The following TEX52 variants were observed in gnomAD, a reference collection of about 807,000 sequenced individuals.
TEX52 encodes the protein testis-expressed protein 52.
A neutral mutation model predicts 17.6 loss-of-function variants in TEX52; 22 were observed. That is an observed-to-expected ratio of 1.25 (90% CI 0.89 to 1.78). The LOEUF is 1.78. Ranked by LOEUF, TEX52 falls within the 40% of genes most tolerant of loss-of-function variation. The pLI, the probability that TEX52 is intolerant of heterozygous loss-of-function variation, is 0.00. For synonymous variants in TEX52, 168 were observed against 147.4 expected (o/e 1.14, Z -1.01); for missense variants, 396 against 372.3 (o/e 1.06, Z -0.52).
At chr12:2,848,883 A>G (rs1384775306), downstream of TEX52, among the ~76,000 whole-genome samples, 5 of 149,182 alleles carry the variant, frequency 3.4e-5, no homozygotes, top group South Asian at 2.1e-4. Flanking sequence ...ACACGCACAC[A>G]CACACACACA....
rs557855083 is a variant in TEX52, at chr12:2,850,852, A to C, written c.624-1327T>G. ...CTCCTGGCTAATTTTTTATATTTTTAGTAGAGATGGGGTTTCCCCATGTTG... is the reference window on the plus strand; with the variant it reads ...CTCCTGGCTAATTTTTTATATTTTTCGTAGAGATGGGGTTTCCCCATGTTG... On this transcript the variant is annotated intron_variant, in intron 2 of 2. Transcript: ENST00000637658. 7.3e-5 allele frequency among the ~76,000 whole-genome samples: 11 copies of C among 150,518 alleles called. 1 individual carries two copies. The highest frequency in any genetic ancestry group is 2.7e-4 in the African/African-American group (11 of 41,064).
At position 2,855,119 on chromosome 12, in the gene TEX52, G is replaced by T. The variant is rs987522872; in HGVS notation, c.400C>A (p.Pro134Thr). 13 of 1,534,190 alleles carry T rather than the reference G, an allele frequency of 8.5e-6. No individual in the cohort carries two copies. The East Asian group carries it at 2.9e-4, about 35-fold the overall frequency. The change falls in exon 2 of 3, where the codon CCC becomes ACC. Residue 134 changes from proline (P) to threonine (T), a missense_variant. Pro to Thr is a conservative substitution (Grantham distance 38, BLOSUM62 -1). Transcript: ENST00000637658. ...GGAGGGGGGATGGGGTGCTCCGTGGGGGGGCATCTGTGGGCATTGGAGTCG... is the reference window on the plus strand; with the variant it reads ...GGAGGGGGGATGGGGTGCTCCGTGGTGGGGCATCTGTGGGCATTGGAGTCG... Reference protein sequence around the residue: ...LTDSNAHRCPPTEHPIPPPSW... With the variant: ...LTDSNAHRCPTTEHPIPPPSW...
Position 2,855,054 on chromosome 12 carries a change from G to A in TEX52, c.465C>T (p.His155=). The A allele has an allele frequency of 6.5e-7, 1 of 1,536,128 alleles. No individual in the cohort carries two copies. The highest frequency in any genetic ancestry group is 1.4e-5 in the African/African-American group (1 of 73,144). Residue 155 remains histidine, a synonymous_variant, in exon 2 of 3, where the codon CAC becomes CAT. Transcript: ENST00000637658. ...MGQNSFLTFI[H]CYPTFVDMKR... ...TCATGTCCACAAACGTGGGATAACA[G>A]TGGATGAAGGTCAGGAAGCTGTTTT...
In TEX52 at chr12:2,855,231, G is replaced by A. The variant is rs2098083631; in HGVS notation, c.288C>T (p.His96=). 2.7e-6 allele frequency: 4 copies of A among 1,506,894 alleles called. No homozygotes were observed. The highest frequency in any genetic ancestry group is 4.9e-5 in the East Asian group (2 of 40,458). The allele number at this position is 1,506,894 out of a possible 1,614,324, so 93.3% of individuals were successfully genotyped here. ...GCAGACGGCACACATCGAGCCACGT[G>A]TGAAAGCCCCAGGTGTGCTGGGCGC... is the stretch of plus-strand genomic sequence containing the variant. The part of the protein sequence containing the change: ...KGGAQHTWGF[H]TWLDVCRLPA... The change falls in exon 2 of 3, where the codon CAC becomes CAT. Residue 96 remains histidine, a synonymous_variant. Coordinates refer to ENST00000637658, the MANE Select transcript of TEX52 (RefSeq NM_001365174.2).
chr12:2,853,763 T>C (rs1413917257), intron 2 of TEX52, among the ~76,000 whole-genome samples: 3 of 152,130 alleles, frequency 2.0e-5, no homozygotes, highest in Non-Finnish European at 2.9e-5. Context: ...TGGACACAGT[T>C]GGGAAGCATC....
chr12:2,852,510 G>A (rs1032529380), intron 2 of TEX52, among the ~76,000 whole-genome samples: 1 of 152,126 alleles, frequency 6.6e-6, no homozygotes. Context: ...GGGATTATGG[G>A]CATGTGCCAC....
downstream of TEX52, among the ~76,000 whole-genome samples, chr12:2,848,585 G>T (rs1417412418): frequency 6.6e-6 from 1 of 152,004 alleles, no homozygotes; most frequent in Admixed American, 6.6e-5. Flanking sequence ...CTGAGACCTG[G>T]TTAGCCTTCC....
chr12:2,849,430 C>T lies in TEX52; in HGVS notation c.719G>A (p.Cys240Tyr). 6.5e-7 allele frequency: 1 copy of T among 1,536,148 alleles called. No individual in the cohort carries two copies. The highest frequency in any genetic ancestry group is 1.4e-5 in the African/African-American group (1 of 73,166). ...FPNNFARSWPCPNPLPHYQEK... is the reference protein window; with the variant it reads ...FPNNFARSWPYPNPLPHYQEK... ...CTGGTAGTGAGGCAGAGGGTTTGGG[C>T]AGGGCCAGCTCCTGGCGAAATTATT... Residue 240 changes from cysteine (C) to tyrosine (Y), a missense_variant, in exon 3 of 3, where the codon TGC becomes TAC. By Grantham distance (194) the Cys-to-Tyr change is radical (BLOSUM62 -2). Coordinates refer to ENST00000637658, the MANE Select transcript of TEX52 (RefSeq NM_001365174.2).
At chr12:2,855,659 T>C (rs1565454071) in intron 1 of TEX52, among the ~76,000 whole-genome samples, 1 of 152,192 alleles carries the variant, frequency 6.6e-6, no homozygotes, top group African/African-American at 2.4e-5. Context: ...CACTCATCTT[T>C]TGATCTCTTG....
chr12:2,852,872 G>A (rs2098075471), intron 2 of TEX52, among the ~76,000 whole-genome samples: 1 of 152,028 alleles, frequency 6.6e-6, no homozygotes. Flanking sequence ...GGTGACGGGA[G>A]CCTGTAATCC....
Position 2,849,307 on chromosome 12 carries a change from G to A in TEX52, c.842C>T (p.Pro281Leu), listed in dbSNP as rs1242561195. The A allele has an allele frequency of 5.7e-5, 87 of 1,536,014 alleles. No individual in the cohort carries two copies. The highest frequency in any genetic ancestry group is 7.8e-5 in the Admixed American group (4 of 50,976). Residue 281 changes from proline to leucine, a missense_variant, in exon 3 of 3, where the codon CCC becomes CTC. Physicochemically the swap from Pro to Leu is moderately conservative, Grantham distance 98. Transcript: ENST00000637658. The part of the protein sequence containing the change: ...QTLIKDRTAL[P>L]LHHLSKAQAS... Reference sequence around the variant, plus strand: ...TTGTGCCTTGGAGAGATGGTGGAGGGGTAAGGCAGTTCTGTCCTTTATCAG... The same window carrying A: ...TTGTGCCTTGGAGAGATGGTGGAGGAGTAAGGCAGTTCTGTCCTTTATCAG...
At chr12:2,856,366 G>A (rs116682998) in intron 1 of TEX52, among the ~76,000 whole-genome samples, 2,572 of 152,122 alleles carry the variant, frequency 0.017, 80 homozygotes, top group African/African-American at 0.059. Flanking sequence ...CCATCCCCAG[G>A]GATGTTTTCT....
Position 2,849,218 on chromosome 12 carries a change from T to A in TEX52, c.*13A>T, listed in dbSNP as rs1436561946. Reference sequence around the variant, plus strand: ...GGCTCTGGGTATCACGATCGTCCCCTCTGGAAGCCCTTCTAGAAGTGTCCA... The same window carrying A: ...GGCTCTGGGTATCACGATCGTCCCCACTGGAAGCCCTTCTAGAAGTGTCCA... On this transcript the variant is annotated 3_prime_UTR_variant, in exon 3 of 3. Transcript: ENST00000637658. 6.5e-7 allele frequency: 1 copy of A among 1,530,936 alleles called. No individual in the cohort carries two copies. The highest frequency in any genetic ancestry group is 8.7e-7 in the Non-Finnish European group (1 of 1,145,058). The allele number at this position is 1,530,936 out of a possible 1,614,324, so 94.8% of individuals were successfully genotyped here. A position where few individuals can be genotyped will look rare whatever the true frequency, so the allele number is the denominator to read the frequency against.
Position 2,849,305 on chromosome 12 carries a change from G to C in TEX52, c.844C>G (p.Leu282Val). The change falls in exon 3 of 3, where the codon CTC (leucine) becomes GTC (valine). Residue 282 changes from leucine (L) to valine (V), a missense_variant. By Grantham distance (32) the Leu-to-Val change is conservative. Coordinates refer to ENST00000637658, the MANE Select transcript of TEX52 (RefSeq NM_001365174.2). ...GCTTGTGCCTTGGAGAGATGGTGGA[G>C]GGGTAAGGCAGTTCTGTCCTTTATC... ...TLIKDRTALPLHHLSKAQASK... is the reference protein window; with the variant it reads ...TLIKDRTALPVHHLSKAQASK... 1 of 1,536,150 alleles carries C rather than the reference G, an allele frequency of 6.5e-7. No individual in the cohort carries two copies. The highest frequency in any genetic ancestry group is 8.7e-7 in the Non-Finnish European group (1 of 1,146,912).
Position 2,849,237 on chromosome 12 carries a change from G to T in TEX52, c.912C>A (p.His304Gln). ...GTCCCCTCTGGAAGCCCTTCTAGAAGTGTCCAGGTCTTCTCTTCCTCTTCC... is the reference window on the plus strand; with the variant it reads ...GTCCCCTCTGGAAGCCCTTCTAGAATTGTCCAGGTCTTCTCTTCCTCTTCC... ...PARKRKRRPGHF is the reference protein window; with the variant it reads ...PARKRKRRPGQF Residue 304 changes from histidine to glutamine, a missense_variant, in exon 3 of 3, where the codon CAC (histidine) becomes CAA (glutamine). Physicochemically the swap from His to Gln is conservative, Grantham distance 24. Transcript: ENST00000637658. 1.3e-6 allele frequency: 2 copies of T among 1,535,636 alleles called. No homozygotes were observed. Among genetic ancestry groups the T allele is most frequent in the Non-Finnish European group, 1.7e-6 (2 of 1,146,746 alleles).
At chr12:2,849,674 T>C (rs2098063971) in intron 2 of TEX52, 149 bp from the exon 3 acceptor site, 1 of 882,808 alleles carries the variant, frequency 1.1e-6, no homozygotes, top group East Asian at 2.7e-5. Context: ...CTCCACCTAA[T>C]CGGATATTGA....
chr12:2,849,521 G>C lies in TEX52; in HGVS notation c.628C>G (p.Arg210Gly), dbSNP rs1383011555. ...IQPPASFKKY[R>G]HISAGGRFEP... Reference sequence around the variant, plus strand: ...AACCTCCCACCAGCGGATATGTGCCGGTACCTGTTGGGAGAAGGGTATGGA... The same window carrying C: ...AACCTCCCACCAGCGGATATGTGCCCGTACCTGTTGGGAGAAGGGTATGGA... The change falls in exon 3 of 3, where the codon CGG becomes GGG. Residue 210 changes from arginine (R) to glycine (G), a missense_variant. Physicochemically the swap from Arg to Gly is moderately radical, Grantham distance 125 (BLOSUM62 -2). Transcript: ENST00000637658. 1 of 1,536,018 alleles carries C rather than the reference G, an allele frequency of 6.5e-7. No individual in the cohort carries two copies. Among genetic ancestry groups the C allele is most frequent in the Non-Finnish European group, 8.7e-7 (1 of 1,146,856 alleles).
At chr12:2,852,883 C>G (rs781762620) in intron 2 of TEX52, among the ~76,000 whole-genome samples, 4 of 151,968 alleles carry the variant, frequency 2.6e-5, no homozygotes, top group Admixed American at 6.6e-5. Flanking sequence ...CCTGTAATCC[C>G]AGCTACTCAG....
chr12:2,855,081 C>A lies in TEX52; in HGVS notation c.438G>T (p.Gly146=). ...GGATGAAGGTCAGGAAGCTGTTTTG[C>A]CCCATCCAGGAGGGAGGGGGGATGG... ...EHPIPPPSWM[G]QNSFLTFIHC... Residue 146 remains glycine, a synonymous_variant, in exon 2 of 3, where the codon GGG becomes GGT. Transcript: ENST00000637658. 1 of 1,536,000 alleles carries A rather than the reference C, an allele frequency of 6.5e-7. No homozygotes were observed. The highest frequency in any genetic ancestry group is 8.7e-7 in the Non-Finnish European group (1 of 1,146,858).
Sources: gnomAD v4.1 joint callset for allele counts (sites outside exome capture counted in the v4.1 genomes callset) on GRCh38, gnomAD v4.1.1 for gene constraint, MANE v1.5 for transcripts, NCBI Gene and HGNC (gene_info 2026-07-23, HGNC 2026-07-21) for gene names.